The following NAV1 variants were observed in gnomAD, a reference collection of about 807,000 sequenced individuals.
The protein encoded by NAV1 is pore membrane and/or filament interacting like protein 3.
NAV1 carries 18 observed loss-of-function variants against 175.2 expected under a neutral mutation model. The ratio of observed to expected loss-of-function variants is 0.10; its 90% CI spans 0.07 to 0.15. NAV1 has a LOEUF of 0.15. Among genes scored for constraint, NAV1 ranks in the 10% least tolerant of loss-of-function variants. The pLI is 1.00. For synonymous variants in NAV1, 897 were observed against 978.7 expected (o/e 0.92, Z 1.56); for missense variants, 1,731 against 2,436.6 (o/e 0.71, Z 6.10).
chr1:201,713,533 G>A (rs999681074), intron 2 of NAV1, among the ~76,000 whole-genome samples: 5 of 152,176 alleles, frequency 3.3e-5, no homozygotes, highest in African/African-American at 9.7e-5. Flanking sequence ...GCCTTCCCAC[G>A]GCACCTCTCT....
intron 17 of NAV1, among the ~76,000 whole-genome samples, chr1:201,806,274 T>C (rs1161307848): frequency 1.3e-5 from 2 of 152,118 alleles, no homozygotes; most frequent in Admixed American, 1.3e-4. Context: ...CATGAGCCAC[T>C]GCGCCCAGCC....
intron 3 of NAV1, among the ~76,000 whole-genome samples, chr1:201,776,697 A>T (rs1289402862): frequency 6.6e-6 from 1 of 152,006 alleles, no homozygotes; most frequent in Non-Finnish European, 1.5e-5. Context: ...TAAGAGAGAA[A>T]TGTAGAAAAT....
At chr1:201,555,209 T>C (rs1476007570) in intron 1 of NAV1, among the ~76,000 whole-genome samples, 2 of 152,198 alleles carry the variant, frequency 1.3e-5, no homozygotes, top group East Asian at 1.9e-4. Flanking sequence ...TTCAATTATC[T>C]TTTTTGGTGA....
chr1:201,692,252 A>G (rs1670979860), intron 1 of NAV1, among the ~76,000 whole-genome samples: 1 of 152,192 alleles, frequency 6.6e-6, no homozygotes, highest in Non-Finnish European at 1.5e-5. Flanking sequence ...AGTTGTGGGT[A>G]ACAGAGGCTG....
Position 201,788,508 on chromosome 1 carries a change from C to T in NAV1, c.3036C>T (p.Ser1012=). The T allele has an allele frequency of 1.9e-6, 3 of 1,614,166 alleles. No homozygotes were observed. Among genetic ancestry groups the T allele is most frequent in the Non-Finnish European group, 2.5e-6 (3 of 1,180,018 alleles). ...CCACCACGCCAAGAATCACCCGCTC[C>T]AACAGCATCCCCACCCACGAGGCGG... Residue 1012 remains serine (S), a synonymous_variant, in exon 10 of 30, where the codon TCC becomes TCT. Coordinates refer to ENST00000367296, the Ensembl canonical transcript of NAV1. This position sits in a 1 kb window ranked among gnomAD's most constrained non-coding sequence, Gnocchi z 5.7.
At chr1:201,780,451 A>C (rs921273058) in exon 4 of NAV1, 10 of 1,614,038 alleles carry the variant, frequency 6.2e-6, no homozygotes, top group Non-Finnish European at 7.6e-6. Flanking sequence ...TCAGTAGTGG[A>C]CTCAGCGATG....
intron 2 of NAV1, among the ~76,000 whole-genome samples, chr1:201,617,206 GTCTCTC>G (rs3054501): frequency 0.094 from 12,947 of 138,134 alleles, 1,412 homozygotes; most frequent in African/African-American, 0.26. Context: ...CAATCTCTCT[GTCTCTC>G]TCTCTCTCTC....
At chr1:201,786,678 C>T (rs113302452) in intron 9 of NAV1, 101 bp downstream of exon 13, 6 of 1,205,878 alleles carry the variant, frequency 5.0e-6, no homozygotes, top group Non-Finnish European at 5.8e-6. Context: ...TCATGTTTGA[C>T]TCATGCTGTA....
At chr1:201,663,980 G>A (rs563430074) in intron 1 of NAV1, among the ~76,000 whole-genome samples, 1 of 152,318 alleles carries the variant, frequency 6.6e-6, no homozygotes, top group Non-Finnish European at 1.5e-5. Context: ...CAATCGTAAA[G>A]TTCCCAGCTT....
chr1:201,779,708 T>G (rs993960974), intron 3 of NAV1, among the ~76,000 whole-genome samples: 2 of 152,064 alleles, frequency 1.3e-5, no homozygotes, highest in Non-Finnish European at 2.9e-5. Flanking sequence ...GTAGCGTTTT[T>G]GGATACAGAT....
chr1:201,781,347 C>G (rs181781414), intron 5 of NAV1, 38 bp downstream of exon 9: 1 of 1,537,042 alleles, frequency 6.5e-7, no homozygotes, highest in Admixed American at 2.2e-5. Flanking sequence ...GGGCAAAGAC[C>G]TAGTTCTTTG....
chr1:201,561,710 A>G (rs776744513), intron 1 of NAV1, among the ~76,000 whole-genome samples: 20 of 152,072 alleles, frequency 1.3e-4, no homozygotes, highest in Admixed American at 5.9e-4. Flanking sequence ...TGTCTCTTCC[A>G]TTAGTGTAGG....
chr1:201,549,500 C>G (rs563636172), intron 1 of NAV1, among the ~76,000 whole-genome samples: 2 of 152,232 alleles, frequency 1.3e-5, no homozygotes, highest in African/African-American at 4.8e-5. Context: ...TGCGCCAACG[C>G]GCCTGGCCTT....
chr1:201,573,130 T>C (rs548550419), intron 1 of NAV1, among the ~76,000 whole-genome samples: 4 of 152,332 alleles, frequency 2.6e-5, no homozygotes, highest in Admixed American at 6.5e-5. Flanking sequence ...TCAGACTGAA[T>C]TATGCATAGG....
intron 1 of NAV1, among the ~76,000 whole-genome samples, chr1:201,655,387 T>A (rs956828287): frequency 1.3e-5 from 2 of 152,222 alleles, no homozygotes; most frequent in Non-Finnish European, 2.9e-5. Context: ...CCTGTTTGGA[T>A]TACCCAGATG....
chr1:201,650,942 T>A (rs951232663), intron 1 of NAV1, among the ~76,000 whole-genome samples: 2 of 152,150 alleles, frequency 1.3e-5, no homozygotes, highest in Non-Finnish European at 2.9e-5. Flanking sequence ...AGTGTGGGGC[T>A]GAGCCTGTCA....
exon 1 of NAV1, chr1:201,649,298 G>A (rs1052635216): frequency 1.9e-6 from 3 of 1,612,800 alleles, no homozygotes; most frequent in African/African-American, 2.7e-5. Flanking sequence ...AGGCCAAGGC[G>A]CAAAAGAGCT....
chr1:201,680,520 A>C (rs34477859), intron 1 of NAV1, among the ~76,000 whole-genome samples: 1 of 152,062 alleles, frequency 6.6e-6, no homozygotes, highest in Non-Finnish European at 1.5e-5. Flanking sequence ...AAAAATAATA[A>C]CAAATAAATA....
At chr1:201,641,141 A>G (rs1668741980) in intron 2 of NAV1, among the ~76,000 whole-genome samples, 1 of 152,142 alleles carries the variant, frequency 6.6e-6, no homozygotes, top group African/African-American at 2.4e-5. Flanking sequence ...GGCAACTCCA[A>G]TCTTAGAGCT....
Sources: gnomAD v4.1 joint callset for allele counts (sites outside exome capture counted in the v4.1 genomes callset) on GRCh38, gnomAD v4.1.1 for gene constraint, Gnocchi (gnomAD v3.1) non-coding constraint, MANE v1.5 for transcripts, NCBI Gene and HGNC (gene_info 2026-07-23, HGNC 2026-07-21) for gene names.